OPHN1: variants seen among roughly 807,000 people sequenced by gnomAD.
The protein encoded by OPHN1 is oligophrenin-1.
Under a neutral mutation model 60.7 loss-of-function variants are expected in OPHN1, and 11 were observed. The ratio of observed to expected loss-of-function variants is 0.18; its 90% CI spans 0.11 to 0.30. The LOEUF is 0.30. Ranked by LOEUF, OPHN1 falls within the 10% of genes least tolerant of loss-of-function variation. The pLI is 1.00. For synonymous variants in OPHN1, 226 were observed against 222.6 expected (o/e 1.02, Z -0.14); for missense variants, 449 against 611.0 (o/e 0.73, Z 2.80).
At chrX:68,358,235 C>T (rs1180035983) in intron 2 of OPHN1, among the ~76,000 whole-genome samples, 4 of 110,676 alleles carry the variant, frequency 3.6e-5, no homozygotes, top group Non-Finnish European at 7.6e-5. Context: ...GCACGAGAAT[C>T]GCTTGAACCC....
At chrX:68,123,835 C>G (rs1342805675) in intron 15 of OPHN1, among the ~76,000 whole-genome samples, 6 of 110,621 alleles carry the variant, frequency 5.4e-5, no homozygotes, top group African/African-American at 2.0e-4. Flanking sequence ...GACAAGACCA[C>G]AAAACAATCA....
intron 2 of OPHN1, among the ~76,000 whole-genome samples, chrX:68,317,344 A>G (rs1319559262): frequency 3.4e-4 from 17 of 49,533 alleles, no homozygotes; most frequent in African/African-American, 1.8e-3. Context: ...GAGAGGAAAG[A>G]AAGAAAGAAA....
chrX:68,118,053 T>A (rs6653247), intron 16 of OPHN1, among the ~76,000 whole-genome samples: 5,246 of 111,828 alleles, frequency 0.047, 311 homozygotes, highest in African/African-American at 0.16. Flanking sequence ...TTGCTCTCTG[T>A]CTTTACTAAA....
intron 9 of OPHN1, 92 bp from the exon 10 acceptor site, chrX:68,206,765 TTCAGAG>T (rs761406145): frequency 1.6e-5 from 11 of 700,043 alleles, no homozygotes; most frequent in Non-Finnish European, 2.5e-5. Context: ...CACATTGCTC[TTCAGAG>T]TCAAACTTCA....
intron 2 of OPHN1, among the ~76,000 whole-genome samples, chrX:68,427,827 TAA>T (rs370445077): frequency 0.012 from 1,144 of 98,276 alleles, 17 homozygotes; most frequent in African/African-American, 0.04. Context: ...CTAGCACAAT[TAA>T]AAAAAAAAAA....
Position 68,044,439 on chromosome X carries a change from G to A in OPHN1, c.*2733C>T, listed in dbSNP as rs934651559. On this transcript the variant is annotated 3_prime_UTR_variant, in exon 25 of 25. Transcript: ENST00000355520. ...GAAACACTGAGCAGTTAATAAATAC[G>A]TGCTTAATAAATGTTAGGTTCTTTG... 1.5e-4 allele frequency: 17 copies of A among 112,678 alleles called. No homozygotes were observed. The highest frequency in any genetic ancestry group is 4.8e-4 in the African/African-American group (15 of 31,010). The allele number at this position is 112,678 out of a possible 1,213,427, so 9.3% of individuals were successfully genotyped here.
chrX:68,399,846 A>G (rs1427935237), intron 2 of OPHN1, among the ~76,000 whole-genome samples: 4 of 97,912 alleles, frequency 4.1e-5, no homozygotes, highest in Admixed American at 1.2e-4. Flanking sequence ...TTTTTTTAAG[A>G]CAGAGTTTCG....
chrX:68,217,262 T>C (rs1173083812), intron 6 of OPHN1, among the ~76,000 whole-genome samples: 2 of 112,216 alleles, frequency 1.8e-5, no homozygotes, highest in African/African-American at 3.2e-5. Context: ...ATCCCGCACC[T>C]GGCTCGGAGG....
At chrX:68,172,725 C>T (rs1309146546) in intron 15 of OPHN1, among the ~76,000 whole-genome samples, 2 of 111,395 alleles carry the variant, frequency 1.8e-5, no homozygotes, top group Non-Finnish European at 3.8e-5. Flanking sequence ...ATATGTTCAC[C>T]TAAAGACAGG....
chrX:68,378,716 G>C (rs1380911330), intron 2 of OPHN1, among the ~76,000 whole-genome samples: 27 of 111,444 alleles, frequency 2.4e-4, no homozygotes, highest in East Asian at 8.5e-4. Flanking sequence ...TTGTTTTTGT[G>C]AGGTTTGTCA....
intron 15 of OPHN1, among the ~76,000 whole-genome samples, chrX:68,125,088 G>C (rs2077164727): frequency 8.9e-6 from 1 of 111,911 alleles, no homozygotes; most frequent in Non-Finnish European, 1.9e-5. Context: ...ATATCCTCCT[G>C]AATGATCAGT....
intron 6 of OPHN1, among the ~76,000 whole-genome samples, chrX:68,215,700 A>G (rs1014767809): frequency 8.9e-6 from 1 of 111,898 alleles, no homozygotes; most frequent in Non-Finnish European, 1.9e-5. Context: ...CCATGCAGAA[A>G]GAAAAGAGTG....
intron 2 of OPHN1, among the ~76,000 whole-genome samples, chrX:68,387,876 A>G (rs189284038): frequency 9.0e-6 from 1 of 111,169 alleles, no homozygotes; most frequent in African/African-American, 3.3e-5. Context: ...TCATCTGACT[A>G]TGTTTGAGTG....
intron 2 of OPHN1, among the ~76,000 whole-genome samples, chrX:68,316,270 G>A (rs946626735): frequency 9.0e-6 from 1 of 111,550 alleles, no homozygotes; most frequent in South Asian, 3.8e-4. Context: ...TATAAAACTA[G>A]ACAGCAAGGT....
intron 2 of OPHN1, among the ~76,000 whole-genome samples, chrX:68,332,710 G>T (rs1384075168): frequency 2.7e-5 from 3 of 110,862 alleles, no homozygotes; most frequent in African/African-American, 9.8e-5. Context: ...AGAGAACAAA[G>T]CAGGAGATTT....
chrX:68,064,006 T>A lies in OPHN1; in HGVS notation c.2006A>T (p.Asp669Val). ...DGKLEPCPEV[D>V]VGKLVSRLQD... The stretch of plus-strand genomic sequence containing the variant: ...CAGCCTAGACACCAACTTCCCCACG[T>A]CCACCTCTGGGCAGGGCTCCAACTT... The change falls in exon 21 of 25, where the codon GAC (aspartate) becomes GTC (valine). Residue 669 changes from aspartate (D) to valine (V), a missense_variant. Asp to Val is a radical substitution (Grantham distance 152, BLOSUM62 -3). Transcript: ENST00000355520. 1.7e-6 allele frequency: 2 copies of A among 1,210,368 alleles called. No individual in the cohort carries two copies. The highest frequency in any genetic ancestry group is 1.1e-6 in the Non-Finnish European group (1 of 895,095).
intron 3 of OPHN1, among the ~76,000 whole-genome samples, chrX:68,294,231 G>C (rs750662720): frequency 2.5e-4 from 28 of 110,335 alleles, no homozygotes; most frequent in Non-Finnish European, 5.1e-4. Flanking sequence ...AGCACTTTGG[G>C]AGGCCAGGGT....
chrX:68,089,737 T>C (rs748352989), intron 19 of OPHN1, among the ~76,000 whole-genome samples: 2 of 111,722 alleles, frequency 1.8e-5, no homozygotes, highest in Non-Finnish European at 3.8e-5. Flanking sequence ...AACTGCATCC[T>C]ACATTTATCA....
chrX:68,194,352 G>A, intron 13 of OPHN1, 113 bp downstream of exon 13: 1 of 636,696 alleles, frequency 1.6e-6, no homozygotes, highest in Non-Finnish European at 2.6e-6. Context: ...TCACACAAAG[G>A]CATCCATATT....
Sources: gnomAD v4.1 joint callset for allele counts (sites outside exome capture counted in the v4.1 genomes callset) on GRCh38, gnomAD v4.1.1 for gene constraint, MANE v1.5 for transcripts, NCBI Gene and HGNC (gene_info 2026-07-23, HGNC 2026-07-21) for gene names.